KHDRBS2: variants seen among roughly 807,000 people sequenced by gnomAD.
KHDRBS2 encodes KH domain-containing, RNA-binding, signal transduction-associated protein 2.
In KHDRBS2, 26 loss-of-function variants were observed where a neutral mutation model predicts 44.3. The ratio of observed to expected loss-of-function variants is 0.59; its 90% confidence interval spans 0.43 to 0.81. The LOEUF (loss-of-function observed/expected upper bound fraction) is 0.81, where lower values mean the gene tolerates loss of function less well. KHDRBS2 is among the 40% of genes least tolerant of loss of function. The probability of loss-of-function intolerance (pLI) is 0.00; values close to 1 mark genes in which losing one functional copy is unlikely to be tolerated. For synonymous variants in KHDRBS2, 194 were observed against 151.1 expected, an observed-to-expected ratio of 1.28 and a Z score of -2.08; for missense variants, 476 against 433.1, an observed-to-expected ratio of 1.10 and a Z score of -0.88.
the KHDRBS2 span, among the ~76,000 whole-genome samples, chr6:61,638,938 G>C: frequency 8.4e-4 from 128 of 152,208 alleles, no homozygotes; most frequent in African/African-American, 2.9e-3. Context: ...CTTGCTTTAT[G>C]AAGTTCTCTC....
intron 4 of KHDRBS2, among the ~76,000 whole-genome samples, chr6:61,970,411 A>G (rs1162110890): frequency 2.6e-5 from 4 of 152,108 alleles, no homozygotes; most frequent in African/African-American, 9.6e-5. Flanking sequence ...ACACCTGAGC[A>G]TATCTTGGTA....
At chr6:61,846,537 T>G (rs1794433810) in intron 6 of KHDRBS2, among the ~76,000 whole-genome samples, 1 of 152,224 alleles carries the variant, frequency 6.6e-6, no homozygotes, top group Non-Finnish European at 1.5e-5. Context: ...CAACTCATCC[T>G]ATTTGAAAAT....
chr6:62,062,634 T>C (rs374797765), intron 2 of KHDRBS2, among the ~76,000 whole-genome samples: 1,750 of 148,638 alleles, frequency 0.012, 32 homozygotes, highest in African/African-American at 0.041. Context: ...AAGCAGTGTG[T>C]AGAGGGAAAT....
At chr6:61,922,988 C>A (rs1382659165) in intron 4 of KHDRBS2, among the ~76,000 whole-genome samples, 1 of 151,944 alleles carries the variant, frequency 6.6e-6, no homozygotes, top group African/African-American at 2.4e-5. Context: ...AGAATTGATA[C>A]AAATGTTAAA....
intron 4 of KHDRBS2, among the ~76,000 whole-genome samples, chr6:61,930,722 C>T (rs186242322): frequency 3.5e-4 from 43 of 121,370 alleles, no homozygotes; most frequent in African/African-American, 1.0e-3. Context: ...GAAAGAAAGA[C>T]GGCTAATCAA....
chr6:61,977,775 T>C (rs1272060083), intron 4 of KHDRBS2, among the ~76,000 whole-genome samples: 1 of 152,144 alleles, frequency 6.6e-6, no homozygotes, highest in African/African-American at 2.4e-5. Flanking sequence ...ACAACTTCAA[T>C]TATATATTTC....
At chr6:61,721,046 C>A (rs1411118907) in intron 7 of KHDRBS2, among the ~76,000 whole-genome samples, 1 of 151,438 alleles carries the variant, frequency 6.6e-6, no homozygotes, top group South Asian at 2.1e-4. Context: ...ATCCTTTCCC[C>A]ATTGCTTGTT....
At chr6:61,731,826 A>G (rs770481825) in intron 7 of KHDRBS2, among the ~76,000 whole-genome samples, 8 of 152,124 alleles carry the variant, frequency 5.3e-5, no homozygotes, top group Non-Finnish European at 7.4e-5. Flanking sequence ...CTAAAAATGC[A>G]TTTGTTTTAC....
intron 1 of KHDRBS2, among the ~76,000 whole-genome samples, chr6:62,241,791 G>A (rs564722186): frequency 3.4e-5 from 5 of 148,778 alleles, no homozygotes; most frequent in African/African-American, 1.3e-4. Context: ...AATTATCCAG[G>A]ATTCAAGATT....
At chr6:61,661,967 T>C in the KHDRBS2 span, among the ~76,000 whole-genome samples, 1 of 151,702 alleles carries the variant, frequency 6.6e-6, no homozygotes, top group African/African-American at 2.4e-5. Flanking sequence ...AGAACAAAGC[T>C]GGAGGCATCA....
chr6:61,753,156 T>C (rs773330259), intron 6 of KHDRBS2, among the ~76,000 whole-genome samples: 22 of 152,240 alleles, frequency 1.4e-4, no homozygotes, highest in Middle Eastern at 3.4e-3. Context: ...GCTCTTTCTT[T>C]CTCTCTCCCT....
the KHDRBS2 span, among the ~76,000 whole-genome samples, chr6:61,565,968 C>T: frequency 6.6e-6 from 1 of 150,404 alleles, no homozygotes; most frequent in Non-Finnish European, 1.5e-5. Context: ...AATCTGTGTC[C>T]ATCAACAGAT....
At chr6:61,947,771 T>A (rs931375343) in intron 4 of KHDRBS2, among the ~76,000 whole-genome samples, 1 of 151,960 alleles carries the variant, frequency 6.6e-6, no homozygotes, top group African/African-American at 2.4e-5. Context: ...ATGAATATAC[T>A]GAGTCATAAT....
chr6:61,627,911 G>A, the KHDRBS2 span, among the ~76,000 whole-genome samples: 2 of 152,150 alleles, frequency 1.3e-5, no homozygotes, highest in African/African-American at 4.8e-5. Flanking sequence ...AACATAGCCG[G>A]TTGGTCCCAA....
At chr6:62,281,477 G>A (rs1462532444) in intron 1 of KHDRBS2, among the ~76,000 whole-genome samples, 5 of 151,896 alleles carry the variant, frequency 3.3e-5, no homozygotes, top group South Asian at 4.1e-4. Flanking sequence ...AAAATTAGCC[G>A]GGTGTGGTGG....
At chr6:61,543,013 A>G in the KHDRBS2 span, among the ~76,000 whole-genome samples, 1 of 152,034 alleles carries the variant, frequency 6.6e-6, no homozygotes, top group Non-Finnish European at 1.5e-5. Flanking sequence ...GAAACTCCTA[A>G]AATAAACATC....
chr6:61,996,837 G>A (rs951761743), intron 3 of KHDRBS2, among the ~76,000 whole-genome samples: 10 of 144,918 alleles, frequency 6.9e-5, no homozygotes, highest in Non-Finnish European at 1.2e-4. Flanking sequence ...AGGCTGGAGT[G>A]CAGTGGCATG....
chr6:62,169,024 GTTC>G (rs1819268605), intron 2 of KHDRBS2, among the ~76,000 whole-genome samples: 1 of 58,662 alleles, frequency 1.7e-5, no homozygotes, highest in Non-Finnish European at 3.6e-5. Flanking sequence ...AATAGTGTTT[GTTC>G]TCCAGTCATA....
intron 2 of KHDRBS2, among the ~76,000 whole-genome samples, chr6:62,174,125 A>G (rs1334398344): frequency 4.6e-5 from 7 of 151,806 alleles, no homozygotes; most frequent in Admixed American, 2.0e-4. Context: ...AACTATCCTT[A>G]TTTTCAGATG....
Sources: allele counts gnomAD v4.1 joint callset (sites outside exome capture counted in the v4.1 genomes callset), GRCh38; gene constraint gnomAD v4.1.1; transcripts MANE v1.5; gene names NCBI Gene and HGNC (gene_info 2026-07-23, HGNC 2026-07-21).